PLEK2: variants seen among roughly 807,000 people sequenced by gnomAD.
PLEK2 encodes pleckstrin 2.
A neutral mutation model predicts 43.8 loss-of-function variants in PLEK2; 29 were observed. The ratio of observed to expected loss-of-function variants is 0.66; its 90% CI spans 0.49 to 0.90. PLEK2 has a LOEUF of 0.90. Among genes scored for constraint, PLEK2 ranks in the 40% least tolerant of loss-of-function variants. The pLI is 0.00. For synonymous variants in PLEK2, 162 were observed against 173.2 expected (o/e 0.94, Z 0.51); for missense variants, 398 against 448.1 (o/e 0.89, Z 1.01).
intron 1 of PLEK2, among the ~76,000 whole-genome samples, chr14:67,408,937 C>A (rs1435203805): frequency 1.3e-5 from 2 of 151,918 alleles, no homozygotes; most frequent in African/African-American, 4.8e-5. Flanking sequence ...CATAAATGAT[C>A]CTTTATTGGC....
chr14:67,393,129 G>T, intron 4 of PLEK2, 21 bp downstream of exon 4: 1 of 1,565,976 alleles, frequency 6.4e-7, no homozygotes, highest in Non-Finnish European at 8.8e-7. Context: ...TGCCCAGCCC[G>T]GCCCTGGGGG....
At chr14:67,394,483 G>C (rs1310866456) in intron 3 of PLEK2, among the ~76,000 whole-genome samples, 1 of 152,116 alleles carries the variant, frequency 6.6e-6, no homozygotes, top group Admixed American at 6.6e-5. Flanking sequence ...AACCCCCTCA[G>C]CTACTTTTCC....
At position 67,409,750 on chromosome 14, in the gene PLEK2, G is replaced by A. The variant is rs114992059; in HGVS notation, c.42+2268C>T. 4.7e-3 allele frequency among the ~76,000 whole-genome samples: 721 copies of A among 152,204 alleles called. 7 individuals are homozygous for A. Among genetic ancestry groups the A allele is most frequent in the African/African-American group, 0.017 (688 of 41,522 alleles). ...CCGGTGATGACTGCTCTGCACTCCG[G>A]CTTCCAACGCAGGCCCTGCCCCACC... On this transcript the variant is annotated intron_variant, in intron 1 of 8. Transcript: ENST00000216446.
chr14:67,390,060 A>C (rs1466217137), intron 7 of PLEK2, among the ~76,000 whole-genome samples: 1 of 152,204 alleles, frequency 6.6e-6, no homozygotes, highest in East Asian at 1.9e-4. Flanking sequence ...ACATTGCCCA[A>C]GACAAGGCTG....
chr14:67,401,187 A>G (rs2086045884), intron 1 of PLEK2, among the ~76,000 whole-genome samples: 1 of 152,024 alleles, frequency 6.6e-6, no homozygotes, highest in South Asian at 2.1e-4. Context: ...TAGAGTCTTT[A>G]TAAGAAAAGG....
intron 6 of PLEK2, among the ~76,000 whole-genome samples, chr14:67,391,100 G>A (rs148133983): frequency 1.0e-3 from 153 of 152,204 alleles, no homozygotes; most frequent in African/African-American, 3.4e-3. Flanking sequence ...TGAACCCAAG[G>A]GCACCAGCTA....
At chr14:67,407,651 G>A (rs1225287324) in intron 1 of PLEK2, among the ~76,000 whole-genome samples, 1 of 151,842 alleles carries the variant, frequency 6.6e-6, no homozygotes, top group Non-Finnish European at 1.5e-5. Context: ...TTGTTGCCTA[G>A]GCTGCTCTCG....
intron 1 of PLEK2, among the ~76,000 whole-genome samples, chr14:67,400,396 T>C (rs1229382036): frequency 6.6e-6 from 1 of 152,236 alleles, no homozygotes; most frequent in Admixed American, 6.5e-5. Context: ...GAGTTTTACC[T>C]GACACAAGCA....
intron 2 of PLEK2, among the ~76,000 whole-genome samples, chr14:67,397,230 C>T (rs1032109301): frequency 1.6e-4 from 25 of 152,340 alleles, no homozygotes; most frequent in Admixed American, 4.6e-4. Context: ...TGAGCCACCA[C>T]GCCCAGCCTA....
At chr14:67,387,572 T>G (rs2085935990) in intron 8 of PLEK2, 116 bp from the exon 9 acceptor site, 1 of 1,077,840 alleles carries the variant, frequency 9.3e-7, no homozygotes, top group Non-Finnish European at 1.3e-6. Context: ...ATGTATTTAT[T>G]AAATAAAAGG....
intron 3 of PLEK2, among the ~76,000 whole-genome samples, chr14:67,394,878 A>AAGCATGTT (rs969686095): frequency 1.3e-5 from 2 of 152,150 alleles, no homozygotes; most frequent in Non-Finnish European, 2.9e-5. Context: ...AGATCGGAGC[A>AAGCATGTT]AGCATGTTAG....
At chr14:67,387,783 G>A (rs1048736353) in intron 8 of PLEK2, among the ~76,000 whole-genome samples, 8 of 152,152 alleles carry the variant, frequency 5.3e-5, no homozygotes, top group South Asian at 2.1e-4. Flanking sequence ...TATGTTAAAA[G>A]CAAGCATAGA....
intron 1 of PLEK2, among the ~76,000 whole-genome samples, chr14:67,411,421 C>T (rs1025452526): frequency 6.6e-6 from 1 of 151,986 alleles, no homozygotes; most frequent in African/African-American, 2.4e-5. Flanking sequence ...ATGTCAGTAC[C>T]CACCGTGTAT....
intron 1 of PLEK2, among the ~76,000 whole-genome samples, chr14:67,411,214 T>C (rs2086113104): frequency 1.3e-5 from 2 of 152,050 alleles, no homozygotes; most frequent in Admixed American, 1.3e-4. Flanking sequence ...GCTGCTCTTT[T>C]GTTCATCTTC....
chr14:67,412,158 C>G lies in PLEK2; in HGVS notation c.-99G>C. 1 of 1,050,362 alleles carries G rather than the reference C, an allele frequency of 9.5e-7. No homozygotes were observed. The highest frequency in any genetic ancestry group is 2.1e-5 in the South Asian group (1 of 46,786). The allele number at this position is 1,050,362 out of a possible 1,614,324, so 65.1% of individuals were successfully genotyped here. A position where few individuals can be genotyped will look rare whatever the true frequency, so the allele number is the denominator to read the frequency against. On this transcript the variant is annotated 5_prime_UTR_variant, in exon 1 of 9. Transcript: ENST00000216446. ...CCGCGCAGTCCGCGCCCACGGCGCC[C>G]AGGAAGCAGCTCCGACGCGGCAGGG...
At chr14:67,396,785 T>TCATTGGAATGC (rs2086013681) in intron 2 of PLEK2, among the ~76,000 whole-genome samples, 1 of 152,274 alleles carries the variant, frequency 6.6e-6, no homozygotes, top group African/African-American at 2.4e-5. Context: ...AGCTGTGGCA[T>TCATTGGAATGC]CATTGGAATG....
intron 1 of PLEK2, among the ~76,000 whole-genome samples, chr14:67,401,396 A>G (rs2148160): frequency 0.28 from 42,004 of 151,776 alleles, 8,806 homozygotes; most frequent in African/African-American, 0.54. Flanking sequence ...CCTGTAGTCC[A>G]AGCTACTTGG....
chr14:67,404,158 T>C (rs1178749673), intron 1 of PLEK2, among the ~76,000 whole-genome samples: 1 of 152,206 alleles, frequency 6.6e-6, no homozygotes, highest in Non-Finnish European at 1.5e-5. Flanking sequence ...AATCTAAATA[T>C]ATATGGTAAC....
At chr14:67,399,516 T>C (rs1239119761) in intron 1 of PLEK2, among the ~76,000 whole-genome samples, 2 of 146,116 alleles carry the variant, frequency 1.4e-5, no homozygotes, top group Non-Finnish European at 3.0e-5. Context: ...AAGGGTCGTT[T>C]AGGTGGTTCT....
Sources: gnomAD v4.1 joint callset for allele counts (sites outside exome capture counted in the v4.1 genomes callset) on GRCh38, gnomAD v4.1.1 for gene constraint, MANE v1.5 for transcripts, NCBI Gene and HGNC (gene_info 2026-07-23, HGNC 2026-07-21) for gene names.